Variants in CA10 observed in about 807,000 individuals in gnomAD.
CA10 encodes carbonic anhydrase-related protein 10.
A neutral mutation model predicts 44.2 loss-of-function variants in CA10; 14 were observed. The observed-to-expected ratio is 0.32, with a 90% CI of 0.21 to 0.50. CA10 has a LOEUF of 0.50. Ranked by LOEUF, CA10 falls within the 20% of genes least tolerant of loss-of-function variation. The probability of loss-of-function intolerance (pLI) is 0.99; values close to 1 mark genes in which losing one functional copy is unlikely to be tolerated. For synonymous variants in CA10, 159 were observed against 141.6 expected (o/e 1.12, Z -0.87); for missense variants, 350 against 409.7 (o/e 0.85, Z 1.26).
chr17:51,755,546 C>A (rs1451912095), intron 3 of CA10, among the ~76,000 whole-genome samples: 2 of 152,170 alleles, frequency 1.3e-5, no homozygotes, highest in Non-Finnish European at 2.9e-5. Flanking sequence ...AAAAATAATT[C>A]TCTACAGCTT....
intron 2 of CA10, among the ~76,000 whole-genome samples, chr17:52,002,940 C>G (rs529847204): frequency 1.3e-5 from 2 of 152,078 alleles, no homozygotes; most frequent in East Asian, 3.9e-4. Context: ...CTGGCTATAA[C>G]CTTGACCTCT....
chr17:51,814,636 C>T (rs891155703), intron 3 of CA10, among the ~76,000 whole-genome samples: 1 of 152,188 alleles, frequency 6.6e-6, no homozygotes, highest in Non-Finnish European at 1.5e-5. Context: ...TTTTCTGGTG[C>T]TCCTGTTCCA....
At chr17:51,940,655 T>C (rs1983041296) in intron 2 of CA10, among the ~76,000 whole-genome samples, 1 of 148,460 alleles carries the variant, frequency 6.7e-6, no homozygotes, top group Admixed American at 6.9e-5. Flanking sequence ...CATAGAGACG[T>C]CAAACTAACT....
At chr17:51,810,002 G>C (rs1328501407) in intron 3 of CA10, among the ~76,000 whole-genome samples, 4 of 152,126 alleles carry the variant, frequency 2.6e-5, no homozygotes, top group Admixed American at 2.6e-4. Context: ...AGGGAAATGG[G>C]TCCATAATCA....
intron 3 of CA10, among the ~76,000 whole-genome samples, chr17:51,856,436 C>G (rs1247168131): frequency 6.6e-6 from 1 of 152,048 alleles, no homozygotes; most frequent in African/African-American, 2.4e-5. Flanking sequence ...CACAAGGAGT[C>G]TAGAAACAAT....
At chr17:51,999,226 A>C (rs1201900015) in intron 2 of CA10, among the ~76,000 whole-genome samples, 1 of 151,978 alleles carries the variant, frequency 6.6e-6, no homozygotes, top group Non-Finnish European at 1.5e-5. Flanking sequence ...GTATTCTTCT[A>C]GTTTATGGAG....
At chr17:52,157,537 C>A (rs539827155) in intron 1 of CA10, among the ~76,000 whole-genome samples, 189 bp downstream of exon 1, 3 of 147,488 alleles carry the variant, frequency 2.0e-5, no homozygotes, top group Non-Finnish European at 3.0e-5. Context: ...CCACCCCCCC[C>A]CGCAAAACAC....
intron 2 of CA10, among the ~76,000 whole-genome samples, chr17:52,009,443 G>C (rs1985711089): frequency 6.6e-6 from 1 of 151,966 alleles, no homozygotes; most frequent in African/African-American, 2.4e-5. Context: ...CACCAGGCCA[G>C]TAAGAAGATT....
intron 3 of CA10, among the ~76,000 whole-genome samples, chr17:51,753,043 T>C (rs561153147): frequency 4.6e-5 from 7 of 152,342 alleles, no homozygotes; most frequent in Non-Finnish European, 1.0e-4. Context: ...GGGATCTTTT[T>C]CAGGAAAAGA....
At chr17:51,896,712 G>C (rs1332206757) in intron 3 of CA10, among the ~76,000 whole-genome samples, 1 of 152,076 alleles carries the variant, frequency 6.6e-6, no homozygotes, top group Admixed American at 6.6e-5. Context: ...CAGTGTATAA[G>C]CATTCCCTTT....
chr17:51,952,309 C>G (rs1468126037), intron 2 of CA10, among the ~76,000 whole-genome samples: 1 of 152,092 alleles, frequency 6.6e-6, no homozygotes, highest in Non-Finnish European at 1.5e-5. Context: ...TCTCATTTAA[C>G]TTGAATAATT....
intron 3 of CA10, chr17:51,762,013 CTAATAA>C (rs1173076449): frequency 6.6e-6 from 1 of 152,160 alleles, no homozygotes; most frequent in Non-Finnish European, 1.5e-5. Context: ...TCTAGATATA[CTAATAA>C]TAATAATCCA....
chr17:52,106,972 C>T (rs535958060), intron 1 of CA10, among the ~76,000 whole-genome samples: 37 of 152,178 alleles, frequency 2.4e-4, no homozygotes, highest in African/African-American at 8.9e-4. Flanking sequence ...TGGGGAGACT[C>T]CTGTATATAA....
chr17:51,734,041 T>TTCAA (rs202130965), intron 4 of CA10, among the ~76,000 whole-genome samples: 98,376 of 151,376 alleles, frequency 0.65, 32,196 homozygotes, highest in Admixed American at 0.73. Flanking sequence ...GGTTCAATAT[T>TTCAA]GCGACAAGAA....
chr17:52,007,700 TC>T (rs1161711105), intron 2 of CA10, among the ~76,000 whole-genome samples: 2 of 151,502 alleles, frequency 1.3e-5, no homozygotes, highest in African/African-American at 2.4e-5. Flanking sequence ...TACTTTTTTT[TC>T]CTCTTCTGTT....
intron 4 of CA10, among the ~76,000 whole-genome samples, chr17:51,739,245 C>T (rs192481046): frequency 6.6e-6 from 1 of 152,084 alleles, no homozygotes; most frequent in Non-Finnish European, 1.5e-5. Flanking sequence ...AAAAACACAG[C>T]TAGTTCACGG....
intron 4 of CA10, among the ~76,000 whole-genome samples, chr17:51,688,816 A>C (rs1251439827): frequency 6.6e-6 from 1 of 152,034 alleles, no homozygotes; most frequent in Non-Finnish European, 1.5e-5. Flanking sequence ...CTATTATAGC[A>C]CTTATCATGT....
intron 1 of CA10, among the ~76,000 whole-genome samples, chr17:52,097,308 C>T (rs757215889): frequency 8.5e-5 from 13 of 152,102 alleles, no homozygotes; most frequent in Non-Finnish European, 1.8e-4. Flanking sequence ...ATTTTAATTT[C>T]CCCTGAATCC....
chr17:51,826,541 C>T (rs367857150), intron 3 of CA10, among the ~76,000 whole-genome samples: 28 of 152,290 alleles, frequency 1.8e-4, no homozygotes, highest in Non-Finnish European at 2.6e-4. Flanking sequence ...TGGATTTAAT[C>T]ATGCTTAATT....
Sources: allele counts gnomAD v4.1 joint callset (sites outside exome capture counted in the v4.1 genomes callset), GRCh38; gene constraint gnomAD v4.1.1; transcripts MANE v1.5; gene names NCBI Gene and HGNC (gene_info 2026-07-23, HGNC 2026-07-21).